The following SUCO variants were observed in gnomAD, a reference collection of about 807,000 sequenced individuals.
The protein encoded by SUCO is SUN domain containing ossification factor, also known as SUN domain-containing ossification factor.
Under a neutral mutation model 148.1 loss-of-function variants are expected in SUCO, and 57 were observed. That is an observed-to-expected ratio of 0.38 (90% CI 0.31 to 0.48). The LOEUF (loss-of-function observed/expected upper bound fraction) is 0.48. Among genes scored for constraint, SUCO ranks in the 20% least tolerant of loss-of-function variants. The probability of loss-of-function intolerance (pLI) is 0.96; values close to 1 mark genes in which losing one functional copy is unlikely to be tolerated. For missense variants in SUCO, 1,331 were observed against 1,468.2 expected (o/e 0.91, Z 1.53); for synonymous variants, 470 against 502.7 (o/e 0.93, Z 0.87).
At position 172,611,009 on chromosome 1, in the gene SUCO, T is replaced by C. The variant is rs572429101; in HGVS notation, c.*750T>C. ...ATATGCAGACAAATTTTTGACAAATTCACCTTTTAAACACACTTAACCATT... is the reference window on the plus strand; with the variant it reads ...ATATGCAGACAAATTTTTGACAAATCCACCTTTTAAACACACTTAACCATT... On this transcript the variant is annotated 3_prime_UTR_variant, in exon 24 of 24. Transcript: ENST00000263688. 5 of 152,738 alleles carry C rather than the reference T, an allele frequency of 3.3e-5. No individual in the cohort carries two copies. The South Asian group carries it at 1.0e-3, about 32-fold the overall frequency. 9.5% of individuals were successfully genotyped at this position (152,738 alleles called of 1,614,324 possible).
chr1:172,557,608 A>C (rs1653845312), intron 5 of SUCO, 36 bp from the exon 6 acceptor site: 1 of 1,537,152 alleles, frequency 6.5e-7, no homozygotes, highest in Non-Finnish European at 8.8e-7. Context: ...ATCCAGTAAA[A>C]TCTGTTTATT....
intron 1 of SUCO, among the ~76,000 whole-genome samples, chr1:172,538,403 A>G (rs757931853): frequency 2.0e-5 from 3 of 152,202 alleles, no homozygotes; most frequent in African/African-American, 7.2e-5. Context: ...ATTAATATAC[A>G]TAAGTGAGCA....
In SUCO at chr1:172,549,772, C is replaced by T. The variant is rs1285738815; in HGVS notation, c.63-1740C>T. ...AATACTTAACGATTATTTTTTTAGACACATAGTTGTAACATACACCCTTAA... is the reference window on the plus strand; with the variant it reads ...AATACTTAACGATTATTTTTTTAGATACATAGTTGTAACATACACCCTTAA... On this transcript the variant is annotated intron_variant, in intron 1 of 23. Coordinates refer to ENST00000263688, the MANE Select transcript of SUCO (RefSeq NM_014283.5). 2.6e-5 allele frequency among the ~76,000 whole-genome samples: 4 copies of T among 151,230 alleles called. No homozygotes were observed. The East Asian group carries it at 7.7e-4, about 29-fold the overall frequency.
intron 15 of SUCO, among the ~76,000 whole-genome samples, chr1:172,583,388 C>A (rs1558199298): frequency 6.6e-6 from 1 of 152,144 alleles, no homozygotes. Context: ...CAAAGTACCA[C>A]TGCTTTGTTG....
At chr1:172,601,283 A>AG (rs1657504804) in intron 20 of SUCO, among the ~76,000 whole-genome samples, 2 of 152,092 alleles carry the variant, frequency 1.3e-5, no homozygotes. Context: ...CGAGGTCAGG[A>AG]GGTGGAGACC....
chr1:172,554,307 T>C (rs890042035), intron 3 of SUCO, among the ~76,000 whole-genome samples: 9 of 152,196 alleles, frequency 5.9e-5, no homozygotes, highest in African/African-American at 1.9e-4. Flanking sequence ...CATAAAACTT[T>C]TATTATGATG....
At chr1:172,602,633 A>G (rs1430155848) in intron 21 of SUCO, 63 bp from the exon 22 acceptor site, 23 of 1,586,246 alleles carry the variant, frequency 1.4e-5, no homozygotes, top group East Asian at 4.5e-5. Flanking sequence ...TAGCCTCAAC[A>G]AAAGAGTAAA....
upstream of SUCO, chr1:172,532,369 G>C: frequency 2.3e-6 from 2 of 885,106 alleles, no homozygotes; most frequent in Non-Finnish European, 3.4e-6. Context: ...GAAACCAACA[G>C]AACGAAAAGC....
chr1:172,602,297 A>G, intron 21 of SUCO, 79 bp downstream of exon 21: 1 of 1,390,456 alleles, frequency 7.2e-7, no homozygotes, highest in Non-Finnish European at 9.5e-7. Context: ...AAGCAAATAA[A>G]GGGAGACTGA....
intron 20 of SUCO, among the ~76,000 whole-genome samples, chr1:172,601,367 T>G (rs1433240913): frequency 6.6e-6 from 1 of 152,054 alleles, no homozygotes; most frequent in East Asian, 1.9e-4. Context: ...GGCATGTGCC[T>G]GTAATCCCAG....
chr1:172,603,494 C>A lies in SUCO; in HGVS notation c.3265+707C>A, dbSNP rs900144854. Among the ~76,000 whole-genome samples, 6 of 151,924 alleles carry A rather than the reference C, an allele frequency of 3.9e-5. 1 individual carries two copies. Among genetic ancestry groups the A allele is most frequent in the African/African-American group, 9.7e-5 (4 of 41,404 alleles). ...TGATTAAATTATTCAAGTAATCATT[C>A]CTGGGCTTCACTGTTTTATTATTAT... On this transcript the variant is annotated intron_variant, in intron 22 of 23. Coordinates refer to ENST00000263688, the MANE Select transcript of SUCO (RefSeq NM_014283.5).
chr1:172,570,455 AATGTATC>A, intron 8 of SUCO: 1 of 512,536 alleles, frequency 2.0e-6, no homozygotes, highest in African/African-American at 2.0e-5. Flanking sequence ...TTGAATTTTA[AATGTATC>A]ATTGTAACAC....
intron 13 of SUCO, 34 bp downstream of exon 13, chr1:172,577,853 TA>T (rs778170248): frequency 1.3e-6 from 2 of 1,538,428 alleles, no homozygotes; most frequent in Non-Finnish European, 1.8e-6. Context: ...ATTGAGTTTT[TA>T]AAAAAATTGA....
chr1:172,570,284 C>A, intron 8 of SUCO, 113 bp downstream of exon 8: 1 of 580,158 alleles, frequency 1.7e-6, no homozygotes, highest in South Asian at 4.2e-5. Context: ...TCCTTATTCA[C>A]TAATAAAAGC....
At chr1:172,597,039 G>A (rs749186906) in intron 19 of SUCO, among the ~76,000 whole-genome samples, 4 of 152,198 alleles carry the variant, frequency 2.6e-5, no homozygotes, top group Non-Finnish European at 4.4e-5. Flanking sequence ...ATCTCAGACT[G>A]CTGTGATAGC....
In SUCO at chr1:172,536,537, C is replaced by T. The variant is rs571356053; in HGVS notation, c.62+3040C>T. On this transcript the variant is annotated intron_variant, in intron 1 of 23. Coordinates refer to ENST00000263688, the MANE Select transcript of SUCO (RefSeq NM_014283.5). Reference sequence around the variant, plus strand: ...CTGTGCCAGATGTTTTTATGAGCACCGAAAATCCAAGATAGAGGGTCACCA... The same window carrying T: ...CTGTGCCAGATGTTTTTATGAGCACTGAAAATCCAAGATAGAGGGTCACCA... Among the ~76,000 whole-genome samples, 39 of 152,176 alleles carry T rather than the reference C, an allele frequency of 2.6e-4. No individual in the cohort carries two copies. In the South Asian group the frequency reaches 4.8e-3, roughly 19 times the overall value.
At chr1:172,600,463 A>C (rs902767667) in intron 20 of SUCO, among the ~76,000 whole-genome samples, 1 of 152,170 alleles carries the variant, frequency 6.6e-6, no homozygotes, top group African/African-American at 2.4e-5. Flanking sequence ...TTTCAATTCA[A>C]AAAGGCCTAT....
rs1445776559 is a variant in SUCO at position 172,611,829 on chromosome 1, A to G, written c.*1570A>G. Reference sequence around the variant, plus strand: ...CAAATAAATCTGAACACTTGTCTTTATTAATTACTGGCTCTTCTGTCTTTT... The same window carrying G: ...CAAATAAATCTGAACACTTGTCTTTGTTAATTACTGGCTCTTCTGTCTTTT... On this transcript the variant is annotated 3_prime_UTR_variant, in exon 24 of 24. Coordinates refer to ENST00000263688, the MANE Select transcript of SUCO (RefSeq NM_014283.5). 1 of 152,648 alleles carries G rather than the reference A, an allele frequency of 6.6e-6. No individual in the cohort carries two copies. Among genetic ancestry groups the G allele is most frequent in the East Asian group, 1.9e-4 (1 of 5,204 alleles). The allele number at this position is 152,648 out of a possible 1,614,324, so 9.5% of individuals were successfully genotyped here. A position where few individuals can be genotyped will look rare whatever the true frequency, so the allele number is the denominator to read the frequency against.
intron 22 of SUCO, among the ~76,000 whole-genome samples, chr1:172,606,528 G>A (rs1211219409): frequency 6.6e-6 from 1 of 151,542 alleles, no homozygotes; most frequent in Non-Finnish European, 1.5e-5. Context: ...TACTGTTCTT[G>A]TATATTTTAA....
Sources: gnomAD v4.1 joint callset for allele counts (sites outside exome capture counted in the v4.1 genomes callset) on GRCh38, gnomAD v4.1.1 for gene constraint, MANE v1.5 for transcripts, NCBI Gene and HGNC (gene_info 2026-07-23, HGNC 2026-07-21) for gene names.